The following EOGT variants were observed in gnomAD, a reference collection of about 807,000 sequenced individuals.
EOGT encodes EGF domain specific O-linked N-acetylglucosamine transferase, also known as EGF domain-specific O-linked N-acetylglucosamine transferase.
Under a neutral mutation model 70.5 loss-of-function variants are expected in EOGT, and 55 were observed. That is an observed-to-expected ratio of 0.78 (90% CI 0.63 to 0.98). EOGT has a LOEUF of 0.98. EOGT is among the 50% of genes least tolerant of loss of function. The probability of loss-of-function intolerance (pLI) is 0.00; values close to 1 mark genes in which losing one functional copy is unlikely to be tolerated. For synonymous variants in EOGT, 246 were observed against 217.1 expected, an observed-to-expected ratio of 1.13 and a Z score of -1.17; for missense variants, 703 against 641.9, an observed-to-expected ratio of 1.10 and a Z score of -1.03.
rs187482436 is a variant in EOGT, at chr3:68,996,329, T to C, written c.831+1682A>G. 5.3e-4 allele frequency among the ~76,000 whole-genome samples: 81 copies of C among 152,268 alleles called. 1 individual carries two copies. The highest frequency in any genetic ancestry group is 2.7e-3 in the Admixed American group (41 of 15,294). On this transcript the variant is annotated intron_variant, in intron 10 of 17. Coordinates refer to ENST00000383701, the MANE Select transcript of EOGT (RefSeq NM_001278689.2). ...AGCCTCTTATCAGTGAAATTAAGGG[T>C]CGGCAAAACTGTCTCTCCTTCTGCA...
intron 14 of EOGT, among the ~76,000 whole-genome samples, chr3:68,985,983 T>C (rs1478677485): frequency 6.6e-6 from 1 of 152,138 alleles, no homozygotes; most frequent in Non-Finnish European, 1.5e-5. Flanking sequence ...CCACACTCCA[T>C]GACTCATAGG....
At chr3:68,988,708 CAA>C in intron 11 of EOGT, 131 bp from the exon 12 acceptor site, 1 of 660,336 alleles carries the variant, frequency 1.5e-6, no homozygotes, top group Non-Finnish European at 2.5e-6. Flanking sequence ...CTATTTCATT[CAA>C]AGAGAACAGA....
At chr3:68,979,831 G>C in intron 15 of EOGT, 44 bp from the exon 16 acceptor site, 1 of 1,598,516 alleles carries the variant, frequency 6.3e-7, no homozygotes, top group Non-Finnish European at 8.6e-7. Flanking sequence ...GGAGAAGAGA[G>C]AAGTATTAGG....
intron 10 of EOGT, among the ~76,000 whole-genome samples, chr3:68,990,895 A>G (rs1384956600): frequency 1.0e-5 from 1 of 99,336 alleles, no homozygotes; most frequent in Non-Finnish European, 1.9e-5. Flanking sequence ...GAGATCTGTT[A>G]GATGTGAAAA....
chr3:68,977,813 T>C, intron 17 of EOGT, 49 bp from the exon 18 acceptor site: 1 of 1,558,948 alleles, frequency 6.4e-7, no homozygotes, highest in Admixed American at 2.0e-5. Context: ...GAGGGCATGG[T>C]TTTCTCTACA....
intron 9 of EOGT, among the ~76,000 whole-genome samples, chr3:68,998,662 T>G (rs530031586): frequency 6.6e-6 from 1 of 152,138 alleles, no homozygotes; most frequent in South Asian, 2.1e-4. Context: ...GAGAACAGCC[T>G]GGCCAACATA....
At position 69,010,316 on chromosome 3, in the gene EOGT, A is replaced by G. The variant is rs372577012; in HGVS notation, c.-14-456T>C. ...CTGTCCAAAAAAGTAGCCATGGTCT[A>G]TTATAAAAGAATGGATGAGGCTGTG... On this transcript the variant is annotated intron_variant, in intron 3 of 17. Transcript: ENST00000383701. Among the ~76,000 whole-genome samples the G allele has an allele frequency of 9.2e-5, 14 of 152,384 alleles. 1 individual carries two copies. In the South Asian group the frequency reaches 2.7e-3, roughly 29 times the overall value.
chr3:68,998,840 AAAAAAAAAAAACCAG>A (rs2091224861), intron 9 of EOGT, among the ~76,000 whole-genome samples: 1 of 81,436 alleles, frequency 1.2e-5, no homozygotes, highest in Non-Finnish European at 2.4e-5. Context: ...CTGTCTAAAA[AAAAAAAAAAAACCAG>A]AAAAAAAAAA....
At chr3:69,004,554 A>C in intron 7 of EOGT, 72 bp from the exon 8 acceptor site, 1 of 963,772 alleles carries the variant, frequency 1.0e-6, no homozygotes, top group Admixed American at 2.0e-5. Flanking sequence ...GTTGTAACTA[A>C]AGTGGATTAC....
intron 6 of EOGT, 146 bp from the exon 7 acceptor site, chr3:69,005,380 G>C: frequency 1.8e-6 from 1 of 543,972 alleles, no homozygotes; most frequent in Non-Finnish European, 3.3e-6. Context: ...GACTGCATCT[G>C]CTGAAGGATA....
Position 69,009,796 on chromosome 3 carries a change from A to T in EOGT, c.51T>A (p.Ser17Arg). ...TATTAGGAGGAGCTTCATTCTGACC[A>T]CTCAGTGAGACTTCATGAAGTAAGA... ...FGVLLHEVSLSGQNEAPPNTH... is the reference protein window; with the variant it reads ...FGVLLHEVSLRGQNEAPPNTH... Residue 17 changes from serine (S) to arginine (R), a missense_variant, in exon 4 of 18, where the codon AGT becomes AGA. Transcript: ENST00000383701. The T allele has an allele frequency of 6.2e-7, 1 of 1,614,024 alleles. No individual in the cohort carries two copies. The highest frequency in any genetic ancestry group is 8.5e-7 in the Non-Finnish European group (1 of 1,179,990).
chr3:68,985,610 G>C (rs1391318699), intron 14 of EOGT, among the ~76,000 whole-genome samples: 1 of 152,148 alleles, frequency 6.6e-6, no homozygotes, highest in East Asian at 1.9e-4. Context: ...AAGTATCATA[G>C]GTCCTATCTC....
intron 4 of EOGT, among the ~76,000 whole-genome samples, chr3:69,008,731 C>T (rs2091498079): frequency 6.6e-6 from 1 of 152,150 alleles, no homozygotes; most frequent in Admixed American, 6.5e-5. Flanking sequence ...TACTCATCAC[C>T]CCCACCATAT....
Position 69,008,438 on chromosome 3 carries a change from C to A in EOGT, c.301G>T (p.Asp101Tyr), listed in dbSNP as rs376499113. ...RFGYPVCSYVDMGWTDTLESA... is the reference protein window; with the variant it reads ...RFGYPVCSYVYMGWTDTLESA... ...CATATGGAAACTTACCATCCCATGTCGACATAGCTGCAAACTGGGTAACCA... is the reference window on the plus strand; with the variant it reads ...CATATGGAAACTTACCATCCCATGTAGACATAGCTGCAAACTGGGTAACCA... The change falls in exon 5 of 18, where the codon GAC becomes TAC. Residue 101 changes from aspartate to tyrosine, a missense_variant. Asp to Tyr is a radical substitution (Grantham distance 160, BLOSUM62 -3). Transcript: ENST00000383701. 1.9e-6 allele frequency: 3 copies of A among 1,612,890 alleles called. No individual in the cohort carries two copies. The Admixed American group carries it at 5.0e-5, about 27-fold the overall frequency.
chr3:69,003,167 C>A (rs544132080), intron 8 of EOGT, among the ~76,000 whole-genome samples: 1 of 152,096 alleles, frequency 6.6e-6, no homozygotes, highest in Non-Finnish European at 1.5e-5. Context: ...TTAATGAGTA[C>A]AGGTAATTGC....
chr3:68,987,444 C>T lies in EOGT; in HGVS notation c.1152+1G>A, dbSNP rs763593027. On this transcript the variant is annotated splice_donor_variant, in intron 14 of 17. Transcript: ENST00000383701. LOFTEE classifies it high-confidence loss of function. ...ATTAAAAATGCATACCAAAAACTAA[C>T]CTCATTTTGGTTAAGGATTTTCCGG... 1 of 1,610,104 alleles carries T rather than the reference C, an allele frequency of 6.2e-7. No homozygotes were observed. The highest frequency in any genetic ancestry group is 1.7e-5 in the Admixed American group (1 of 59,762).
At position 68,998,165 on chromosome 3, in the gene EOGT, C is replaced by T. The variant is rs2091203433; in HGVS notation, c.728-51G>A. Reference sequence around the variant, plus strand: ...TAATTAACACCAAAGAGCACATGATCAAGCAAGTTTTATTCTATCCCATCT... The same window carrying T: ...TAATTAACACCAAAGAGCACATGATTAAGCAAGTTTTATTCTATCCCATCT... On this transcript the variant is annotated intron_variant, in intron 9 of 17. Coordinates refer to ENST00000383701, the MANE Select transcript of EOGT (RefSeq NM_001278689.2). 3 of 1,013,752 alleles carry T rather than the reference C, an allele frequency of 3.0e-6. No individual in the cohort carries two copies. In the South Asian group the frequency reaches 4.1e-5, roughly 14 times the overall value. The allele number at this position is 1,013,752 out of a possible 1,614,324, so 62.8% of individuals were successfully genotyped here.
At chr3:68,980,183 A>C (rs895935615) in intron 15 of EOGT, among the ~76,000 whole-genome samples, 3 of 152,224 alleles carry the variant, frequency 2.0e-5, no homozygotes, top group Non-Finnish European at 4.4e-5. Context: ...CTCTTTCTTC[A>C]TGAAAAAGAG....
rs536272903 is a variant in EOGT, at chr3:68,987,365, C to T, written c.1152+80G>A. The T allele has an allele frequency of 2.1e-3, 2,156 of 1,022,804 alleles. 43 individuals carry two copies. In the East Asian group the frequency reaches 0.031, roughly 15 times the overall value. 63.4% of individuals were successfully genotyped at this position (1,022,804 alleles called of 1,614,324 possible). On this transcript the variant is annotated intron_variant, in intron 14 of 17. Transcript: ENST00000383701. ...CTAAGTTTTAAACCAAAGCTTTTAA[C>T]GTAATGTGAAAAAAAAAAAAACACA...
Sources: allele counts gnomAD v4.1 joint callset (sites outside exome capture counted in the v4.1 genomes callset), GRCh38; gene constraint gnomAD v4.1.1; transcripts MANE v1.5; gene names NCBI Gene and HGNC (gene_info 2026-07-23, HGNC 2026-07-21).